PELI2: variants seen among roughly 807,000 people sequenced by gnomAD.
The protein encoded by PELI2 is E3 ubiquitin-protein ligase pellino homolog 2.
In PELI2, 23 loss-of-function variants were observed where a neutral mutation model predicts 42.3. That is an observed-to-expected ratio of 0.54 (90% CI 0.39 to 0.77). PELI2 has a LOEUF of 0.77. PELI2 is among the 30% of genes least tolerant of loss of function. The pLI, the probability that PELI2 is intolerant of heterozygous loss-of-function variation, is 0.00. For synonymous variants in PELI2, 245 were observed against 212.2 expected, an observed-to-expected ratio of 1.15 and a Z score of -1.34; for missense variants, 463 against 553.2, an observed-to-expected ratio of 0.84 and a Z score of 1.64.
chr14:56,275,869 A>C (rs1305089149), intron 2 of PELI2, among the ~76,000 whole-genome samples: 1 of 152,196 alleles, frequency 6.6e-6, no homozygotes, highest in African/African-American at 2.4e-5. Context: ...TAGTAAGGTC[A>C]CAGCATTATG....
intron 3 of PELI2, among the ~76,000 whole-genome samples, chr14:56,283,714 C>A (rs769949572): frequency 1.4e-4 from 22 of 152,170 alleles, no homozygotes; most frequent in Non-Finnish European, 3.2e-4. Flanking sequence ...TCACTGAGCT[C>A]TTCATTCTCT....
At chr14:56,150,381 C>T (rs576608814) in intron 1 of PELI2, among the ~76,000 whole-genome samples, 12 of 152,152 alleles carry the variant, frequency 7.9e-5, no homozygotes, top group East Asian at 3.9e-4. Flanking sequence ...AATGTAATCT[C>T]GTAACTGATC....
At chr14:56,157,088 C>T (rs1030240694) in intron 1 of PELI2, among the ~76,000 whole-genome samples, 11 of 152,162 alleles carry the variant, frequency 7.2e-5, no homozygotes, top group East Asian at 3.8e-4. Flanking sequence ...CATGTATTTT[C>T]GTGGCGTACA....
At chr14:56,143,195 C>T (rs577331460) in intron 1 of PELI2, among the ~76,000 whole-genome samples, 1 of 152,120 alleles carries the variant, frequency 6.6e-6, no homozygotes, top group Non-Finnish European at 1.5e-5. Context: ...TTGTAGACTG[C>T]CTCTCAATTT....
chr14:56,188,439 A>G (rs555400098), intron 2 of PELI2, among the ~76,000 whole-genome samples: 2 of 152,290 alleles, frequency 1.3e-5, no homozygotes, highest in African/African-American at 2.4e-5. Flanking sequence ...ATTGCTTTCT[A>G]TCCTTTTTTC....
Position 56,173,653 on chromosome 14 carries a change from C to T in PELI2, c.78-4682C>T, listed in dbSNP as rs543154161. Among the ~76,000 whole-genome samples the T allele has an allele frequency of 2.6e-5, 4 of 152,280 alleles. 1 individual carries two copies. The highest frequency in any genetic ancestry group is 7.2e-5 in the African/African-American group (3 of 41,556). On this transcript the variant is annotated intron_variant, in intron 1 of 5. Transcript: ENST00000267460. ...CCCTGAAGGCTCTTAAGGGGAGAAT[C>T]TTTCCTTGCCTCTTCCAGCTTCTGG...
At position 56,212,603 on chromosome 14, in the gene PELI2, C is replaced by T. The variant is rs547324814; in HGVS notation, c.207+34139C>T. On this transcript the variant is annotated intron_variant, in intron 2 of 5. Transcript: ENST00000267460. ...CTCCTCAATGCTGTCTTATTGTTCT[C>T]CTTTTGTGGCATGAGGATTCTGACT... Among the ~76,000 whole-genome samples, 5 of 152,320 alleles carry T rather than the reference C, an allele frequency of 3.3e-5. No individual in the cohort carries two copies. The South Asian group carries it at 1.0e-3, about 32-fold the overall frequency.
At chr14:56,230,078 C>T (rs1299491129) in intron 2 of PELI2, among the ~76,000 whole-genome samples, 1 of 152,154 alleles carries the variant, frequency 6.6e-6, no homozygotes, top group African/African-American at 2.4e-5. Context: ...CGAACAAAGC[C>T]TCCAAGAAAT....
At chr14:56,163,715 G>A (rs1884849000) in intron 1 of PELI2, among the ~76,000 whole-genome samples, 1 of 151,946 alleles carries the variant, frequency 6.6e-6, no homozygotes. Flanking sequence ...AACATGGGAT[G>A]TCTTTTCATT....
At chr14:56,147,845 A>T (rs1299021267) in intron 1 of PELI2, among the ~76,000 whole-genome samples, 4 of 152,224 alleles carry the variant, frequency 2.6e-5, no homozygotes, top group Non-Finnish European at 5.9e-5. Context: ...CTGTTATGTT[A>T]TTACCCATGT....
chr14:56,170,247 T>C (rs535438224), intron 1 of PELI2, among the ~76,000 whole-genome samples: 2 of 152,326 alleles, frequency 1.3e-5, no homozygotes, highest in Admixed American at 1.3e-4. Flanking sequence ...TGATGCAACC[T>C]CCACTTCTGG....
At chr14:56,194,832 C>G (rs1007517397) in intron 2 of PELI2, among the ~76,000 whole-genome samples, 1 of 152,064 alleles carries the variant, frequency 6.6e-6, no homozygotes, top group Non-Finnish European at 1.5e-5. Context: ...TCCTCTGCCT[C>G]AAAATTCAGT....
At chr14:56,156,144 T>C (rs1158962365) in intron 1 of PELI2, among the ~76,000 whole-genome samples, 1 of 152,184 alleles carries the variant, frequency 6.6e-6, no homozygotes, top group African/African-American at 2.4e-5. Context: ...TCTGGAATAA[T>C]AAAGAATTTA....
Position 56,278,441 on chromosome 14 carries a change from A to T in PELI2, c.208-1235A>T, listed in dbSNP as rs1358413111. ...AAAAACAGTCACTCTCAGTGAATTT[A>T]TCTGACTCAGATCAATGAAAATTTA... On this transcript the variant is annotated intron_variant, in intron 2 of 5. Transcript: ENST00000267460. 2.6e-5 allele frequency among the ~76,000 whole-genome samples: 4 copies of T among 152,328 alleles called. No homozygotes were observed. The East Asian group carries it at 5.8e-4, about 22-fold the overall frequency.
At chr14:56,184,789 A>C (rs1594619088) in intron 2 of PELI2, among the ~76,000 whole-genome samples, 1 of 152,088 alleles carries the variant, frequency 6.6e-6, no homozygotes, top group East Asian at 1.9e-4. Context: ...CCATTGTTTT[A>C]AATTAAATGG....
At chr14:56,122,651 AC>A (rs1883105392) in intron 1 of PELI2, among the ~76,000 whole-genome samples, 1 of 151,992 alleles carries the variant, frequency 6.6e-6, no homozygotes, top group Non-Finnish European at 1.5e-5. Context: ...GGCTCTCTCA[AC>A]CAAGGGTTCT....
chr14:56,129,032 C>G (rs1883384262), intron 1 of PELI2, among the ~76,000 whole-genome samples: 1 of 152,008 alleles, frequency 6.6e-6, no homozygotes, highest in African/African-American at 2.4e-5. Flanking sequence ...TGAGGGATAT[C>G]CAGTGCCTTT....
chr14:56,194,840 A>T (rs1411966367), intron 2 of PELI2, among the ~76,000 whole-genome samples: 2 of 152,084 alleles, frequency 1.3e-5, no homozygotes, highest in South Asian at 2.1e-4. Context: ...CTCAAAATTC[A>T]GTCAATGGAG....
At chr14:56,178,686 C>G (rs748499001) in intron 2 of PELI2, among the ~76,000 whole-genome samples, 1 of 152,214 alleles carries the variant, frequency 6.6e-6, no homozygotes, top group Non-Finnish European at 1.5e-5. Flanking sequence ...CCCCCGCATT[C>G]TTGCTCCCCA....
Sources: gnomAD v4.1 joint callset for allele counts (sites outside exome capture counted in the v4.1 genomes callset) on GRCh38, gnomAD v4.1.1 for gene constraint, MANE v1.5 for transcripts, NCBI Gene and HGNC (gene_info 2026-07-23, HGNC 2026-07-21) for gene names.